FRMPD3: variants seen among roughly 807,000 people sequenced by gnomAD.
FRMPD3 encodes FERM and PDZ domain-containing protein 3.
A neutral mutation model predicts 97.9 loss-of-function variants in FRMPD3; 42 were observed. The ratio of observed to expected loss-of-function variants is 0.43; its 90% CI spans 0.34 to 0.55. The LOEUF (loss-of-function observed/expected upper bound fraction) is 0.55, where lower values mean the gene tolerates loss of function less well. Ranked by LOEUF, FRMPD3 falls within the 20% of genes least tolerant of loss-of-function variation. FRMPD3 has a pLI of 0.03. For missense variants in FRMPD3, 1,303 were observed against 1,457.7 expected (o/e 0.89, Z 1.73); for synonymous variants, 577 against 581.1 (o/e 0.99, Z 0.10).
intron 1 of FRMPD3, chrX:107,525,786 T>A: frequency 6.5e-6 from 3 of 464,977 alleles, no homozygotes; most frequent in Admixed American, 2.9e-5. Context: ...TAAAATTGCA[T>A]CAAGATGAGC....
At chrX:107,533,097 C>T (rs995891494) in intron 3 of FRMPD3, among the ~76,000 whole-genome samples, 10 of 111,664 alleles carry the variant, frequency 9.0e-5, no homozygotes, top group African/African-American at 3.3e-4. Context: ...TACCAAATTA[C>T]CAATAATCAT....
At chrX:107,493,207 A>G (rs1921702679) in intron 1 of FRMPD3, among the ~76,000 whole-genome samples, 1 of 104,908 alleles carries the variant, frequency 9.5e-6, no homozygotes, top group African/African-American at 3.5e-5. Context: ...AAAAGACACT[A>G]GCCGAAGCAA....
chrX:107,459,531 C>T lies in FRMPD3; in HGVS notation c.-8+9526C>T, dbSNP rs991864742. On this transcript the variant is annotated intron_variant, in intron 1 of 14. Transcript: ENST00000683843. Reference sequence around the variant, plus strand: ...CCTCCCCCACCAACTTTCCCCTCCCCACCCAATCCACTGAATATCAGCCCT... The same window carrying T: ...CCTCCCCCACCAACTTTCCCCTCCCTACCCAATCCACTGAATATCAGCCCT... Among the ~76,000 whole-genome samples the T allele has an allele frequency of 3.6e-5, 4 of 112,343 alleles. No homozygotes were observed. In the Admixed American group the frequency reaches 3.8e-4, roughly 11 times the overall value.
chrX:107,503,065 G>T (rs376154705), intron 1 of FRMPD3, among the ~76,000 whole-genome samples: 1 of 111,605 alleles, frequency 9.0e-6, no homozygotes, highest in South Asian at 3.8e-4. Context: ...GGAATGGGGG[G>T]GTTTCACAGG....
intron 1 of FRMPD3, among the ~76,000 whole-genome samples, chrX:107,501,200 G>C (rs1921895787): frequency 9.2e-6 from 1 of 108,464 alleles, no homozygotes; most frequent in South Asian, 4.2e-4. Context: ...CCACAGCATG[G>C]GGGAAGGATT....
intron 1 of FRMPD3, among the ~76,000 whole-genome samples, chrX:107,499,855 C>T (rs1441547449): frequency 9.0e-6 from 1 of 111,406 alleles, no homozygotes; most frequent in African/African-American, 3.3e-5. Context: ...CTCTGGGAAC[C>T]TATTCCTCCC....
intron 1 of FRMPD3, among the ~76,000 whole-genome samples, chrX:107,496,767 A>G (rs1921785143): frequency 9.0e-6 from 1 of 111,317 alleles, no homozygotes; most frequent in Non-Finnish European, 1.9e-5. Flanking sequence ...CTCAGTGAAG[A>G]CTCAACAAAG....
chrX:107,514,615 T>A (rs1922258682), intron 1 of FRMPD3, among the ~76,000 whole-genome samples: 1 of 106,945 alleles, frequency 9.4e-6, no homozygotes, highest in Non-Finnish European at 1.9e-5. Context: ...AACCTCTGCC[T>A]CCTGAGTTCA....
In FRMPD3 at chrX:107,552,989, C is replaced by T. The variant is rs777104845; in HGVS notation, c.642+63C>T. The T allele has an allele frequency of 1.1e-4, 118 of 1,089,148 alleles. No individual in the cohort carries two copies. The South Asian group carries it at 2.4e-3, about 22-fold the overall frequency. The allele number at this position is 1,089,148 out of a possible 1,213,427, so 89.8% of individuals were successfully genotyped here. A position where few individuals can be genotyped will look rare whatever the true frequency, so the allele number is the denominator to read the frequency against. On this transcript the variant is annotated intron_variant, in intron 7 of 14. Transcript: ENST00000683843. ...CCTCTAGTAGAGAAGACCCAAGGCA[C>T]TCCCTGTCTGGAAAATTTATAATGA...
chrX:107,474,904 T>C (rs1348303195), intron 1 of FRMPD3, among the ~76,000 whole-genome samples: 1 of 112,260 alleles, frequency 8.9e-6, no homozygotes, highest in African/African-American at 3.2e-5. Flanking sequence ...GATGGGGATT[T>C]TGTGCTCTGC....
chrX:107,567,936 G>A (rs745519162), intron 12 of FRMPD3, among the ~76,000 whole-genome samples: 1 of 110,866 alleles, frequency 9.0e-6, no homozygotes, highest in Non-Finnish European at 1.9e-5. Context: ...AAAAAGAGGA[G>A]ATGTGAAATA....
Position 107,602,936 on chromosome X carries a change from C to G in FRMPD3, c.4897C>G (p.Leu1633Val). 2 of 1,211,375 alleles carry G rather than the reference C, an allele frequency of 1.7e-6. No homozygotes were observed. Among genetic ancestry groups the G allele is most frequent in the Middle Eastern group, 2.3e-4 (1 of 4,351 alleles). Reference protein sequence around the residue: ...QISEYKLELALKFKELRASCR... With the variant: ...QISEYKLELAVKFKELRASCR... Reference sequence around the variant, plus strand: ...CTCCGAGTATAAGCTTGAGCTAGCTCTCAAGTTCAAGGAGCTCCGGGCCTC... The same window carrying G: ...CTCCGAGTATAAGCTTGAGCTAGCTGTCAAGTTCAAGGAGCTCCGGGCCTC... The change falls in exon 15 of 15, where the codon CTC becomes GTC. Residue 1633 changes from leucine to valine, a missense_variant. Leu to Val is a conservative substitution (Grantham distance 32). Transcript: ENST00000683843.
At chrX:107,557,814 T>G (rs1922159746) in intron 8 of FRMPD3, among the ~76,000 whole-genome samples, 1 of 75,566 alleles carries the variant, frequency 1.3e-5, no homozygotes, top group Admixed American at 1.5e-4. Context: ...TATATATATA[T>G]ATATATATAT....
chrX:107,551,958 A>G (rs1389794827), intron 6 of FRMPD3, among the ~76,000 whole-genome samples: 2 of 112,194 alleles, frequency 1.8e-5, no homozygotes, highest in African/African-American at 6.5e-5. Flanking sequence ...GATGTTTTAT[A>G]TTCCCAAGCT....
chrX:107,480,869 A>G (rs1921331864), intron 1 of FRMPD3, among the ~76,000 whole-genome samples: 1 of 44,120 alleles, frequency 2.3e-5, no homozygotes, highest in Non-Finnish European at 4.3e-5. Context: ...GAAAGAAAGA[A>G]AGGAAGGAAG....
At chrX:107,515,449 C>T (rs139542116) in intron 1 of FRMPD3, among the ~76,000 whole-genome samples, 7 of 110,778 alleles carry the variant, frequency 6.3e-5, no homozygotes, top group African/African-American at 1.3e-4. Flanking sequence ...GAGGCCAATG[C>T]GGACCTTAAC....
chrX:107,525,531 T>C, intron 1 of FRMPD3: 1 of 551,036 alleles, frequency 1.8e-6, no homozygotes, highest in Non-Finnish European at 3.3e-6. Flanking sequence ...GGGAGAACAA[T>C]GTGTAATCTC....
intron 1 of FRMPD3, among the ~76,000 whole-genome samples, chrX:107,498,371 G>A (rs760073801): frequency 8.9e-6 from 1 of 112,050 alleles, no homozygotes; most frequent in Non-Finnish European, 1.9e-5. Context: ...CTGTGTTGTT[G>A]TTAACAGAGG....
chrX:107,573,354 T>G (rs1922980760), intron 12 of FRMPD3, among the ~76,000 whole-genome samples: 1 of 111,685 alleles, frequency 9.0e-6, no homozygotes, highest in Non-Finnish European at 1.9e-5. Flanking sequence ...CTCAAACCTC[T>G]GTATCTGTAT....
Sources: gnomAD v4.1 joint callset for allele counts (sites outside exome capture counted in the v4.1 genomes callset) on GRCh38, gnomAD v4.1.1 for gene constraint, MANE v1.5 for transcripts, NCBI Gene and HGNC (gene_info 2026-07-23, HGNC 2026-07-21) for gene names.